The following PTPN4 variants were observed in gnomAD, a reference collection of about 807,000 sequenced individuals.
PTPN4 encodes tyrosine-protein phosphatase non-receptor type 4.
PTPN4 carries 49 observed loss-of-function variants against 135.5 expected under a neutral mutation model. That is an observed-to-expected ratio of 0.36 (90% confidence interval 0.29 to 0.46). The LOEUF is 0.46. Ranked by LOEUF, PTPN4 falls within the 20% of genes least tolerant of loss-of-function variation. PTPN4 has a pLI of 1.00. For synonymous variants in PTPN4, 333 were observed against 369.9 expected, an observed-to-expected ratio of 0.90 and a Z score of 1.14; for missense variants, 860 against 1,101.0, an observed-to-expected ratio of 0.78 and a Z score of 3.10.
chr2:119,934,513 T>G (rs1350695340), intron 14 of PTPN4, among the ~76,000 whole-genome samples: 3 of 152,178 alleles, frequency 2.0e-5, no homozygotes, highest in Non-Finnish European at 4.4e-5. Flanking sequence ...AAATGCTGAG[T>G]AAGACAAAAT....
chr2:119,955,958 A>G (rs1325663747), intron 20 of PTPN4, among the ~76,000 whole-genome samples: 1 of 29,440 alleles, frequency 3.4e-5, no homozygotes, highest in Non-Finnish European at 1.5e-4. Flanking sequence ...AAATAAATAA[A>G]TAAATAAATA....
At chr2:119,881,376 TC>T (rs1408759232) in intron 5 of PTPN4, among the ~76,000 whole-genome samples, 4 of 152,214 alleles carry the variant, frequency 2.6e-5, no homozygotes, top group Non-Finnish European at 4.4e-5. Context: ...TGGCTTTCTA[TC>T]TCAGACCAGC....
chr2:119,963,564 A>G (rs1356487416), intron 24 of PTPN4, among the ~76,000 whole-genome samples: 1 of 152,236 alleles, frequency 6.6e-6, no homozygotes, highest in Non-Finnish European at 1.5e-5. Context: ...CCCCAAGAGC[A>G]TGATTAAAGG....
chr2:119,899,870 G>A (rs1224015385), intron 9 of PTPN4, among the ~76,000 whole-genome samples: 1 of 152,032 alleles, frequency 6.6e-6, no homozygotes, highest in Non-Finnish European at 1.5e-5. Context: ...TTCATTAGAA[G>A]TTATTGATAC....
intron 24 of PTPN4, among the ~76,000 whole-genome samples, chr2:119,963,328 A>G (rs961625365): frequency 5.3e-5 from 8 of 152,130 alleles, no homozygotes; most frequent in African/African-American, 1.4e-4. Flanking sequence ...CAGTATCCCA[A>G]TTGGAAGATG....
chr2:119,966,350 C>G (rs1409582810), intron 25 of PTPN4, among the ~76,000 whole-genome samples: 3 of 152,156 alleles, frequency 2.0e-5, no homozygotes, highest in Non-Finnish European at 4.4e-5. Context: ...CCTCTGCCTC[C>G]CAGGCTCAAG....
chr2:119,914,375 A>G (rs1267120178), intron 10 of PTPN4, among the ~76,000 whole-genome samples: 1 of 151,580 alleles, frequency 6.6e-6, no homozygotes, highest in Non-Finnish European at 1.5e-5. Flanking sequence ...TTCAAATCAG[A>G]AACCTAAACA....
At chr2:119,794,432 G>A (rs115841342) in intron 1 of PTPN4, among the ~76,000 whole-genome samples, 169 of 152,320 alleles carry the variant, frequency 1.1e-3, no homozygotes, top group African/African-American at 3.8e-3. Flanking sequence ...GTGGAGCTGG[G>A]GTCCAGCCAC....
At chr2:119,792,100 T>C (rs989747009) in intron 1 of PTPN4, among the ~76,000 whole-genome samples, 7 of 152,210 alleles carry the variant, frequency 4.6e-5, no homozygotes, top group Non-Finnish European at 1.5e-5. Context: ...GCTCTTCTAT[T>C]AACAGTGGTA....
intron 2 of PTPN4, among the ~76,000 whole-genome samples, chr2:119,837,594 T>C (rs746631114): frequency 1.3e-5 from 2 of 152,244 alleles, no homozygotes; most frequent in Admixed American, 6.5e-5. Flanking sequence ...CTGAGAACTG[T>C]AACACAAACA....
At chr2:119,875,776 CT>C (rs1248713523) in intron 3 of PTPN4, among the ~76,000 whole-genome samples, 1 of 152,138 alleles carries the variant, frequency 6.6e-6, no homozygotes, top group African/African-American at 2.4e-5. Flanking sequence ...AAGCCCTGTG[CT>C]AGGTGCTGAC....
intron 2 of PTPN4, among the ~76,000 whole-genome samples, chr2:119,852,906 T>C (rs1206261338): frequency 2.6e-5 from 4 of 152,170 alleles, no homozygotes; most frequent in African/African-American, 9.7e-5. Flanking sequence ...CTGTGGGTTA[T>C]TTAGAAGTTG....
At position 119,903,616 on chromosome 2, in the gene PTPN4, C is replaced by G. The variant is rs1163229203; in HGVS notation, c.764+2810C>G. On this transcript the variant is annotated intron_variant, in intron 10 of 26. Transcript: ENST00000263708. ...GGGGCTCAATAATGGACCTACCTTG[C>G]CTGCCACTGGCACCTGTGGGCACTT... Among the ~76,000 whole-genome samples the G allele has an allele frequency of 2.6e-5, 4 of 151,986 alleles. No homozygotes were observed. The East Asian group carries it at 7.7e-4, about 29-fold the overall frequency.
chr2:119,844,658 G>C (rs1168185470), intron 2 of PTPN4, among the ~76,000 whole-genome samples: 3 of 151,476 alleles, frequency 2.0e-5, no homozygotes, highest in Admixed American at 6.6e-5. Context: ...GAGGATGGGC[G>C]GCCGGGCAGA....
chr2:119,968,951 A>C (rs925722375), intron 26 of PTPN4, among the ~76,000 whole-genome samples: 50 of 152,234 alleles, frequency 3.3e-4, no homozygotes, highest in Non-Finnish European at 8.8e-5. Context: ...ACACTGTGAA[A>C]TAATAGCATT....
At chr2:119,760,785 A>G (rs977035573) in intron 1 of PTPN4, among the ~76,000 whole-genome samples, 5 of 105,646 alleles carry the variant, frequency 4.7e-5, no homozygotes, top group Admixed American at 1.5e-4. Flanking sequence ...TGCACGCTGC[A>G]TGAGCCAACT....
intron 22 of PTPN4, among the ~76,000 whole-genome samples, chr2:119,957,567 A>C (rs1178914656): frequency 6.6e-6 from 1 of 150,792 alleles, no homozygotes; most frequent in Non-Finnish European, 1.5e-5. Flanking sequence ...CCTGGTGCCA[A>C]AAAGGTTGGG....
chr2:119,799,604 G>A (rs182737152), intron 1 of PTPN4, among the ~76,000 whole-genome samples: 32 of 152,310 alleles, frequency 2.1e-4, no homozygotes, highest in South Asian at 6.2e-4. Flanking sequence ...TGAGCTTACA[G>A]ATTCTCACCT....
At chr2:119,865,445 A>G (rs1406396496) in intron 3 of PTPN4, among the ~76,000 whole-genome samples, 2 of 152,126 alleles carry the variant, frequency 1.3e-5, no homozygotes, top group Admixed American at 1.3e-4. Flanking sequence ...ATACTTATAG[A>G]AGTCAACTAA....
Sources: gnomAD v4.1 joint callset for allele counts (sites outside exome capture counted in the v4.1 genomes callset) on GRCh38, gnomAD v4.1.1 for gene constraint, MANE v1.5 for transcripts, NCBI Gene and HGNC (gene_info 2026-07-23, HGNC 2026-07-21) for gene names.